Variants in NRP1 observed in about 807,000 individuals in gnomAD.
The protein encoded by NRP1 is neuropilin 1, also known as neuropilin-1.
NRP1 carries 35 observed loss-of-function variants against 106.7 expected under a neutral mutation model. That is an observed-to-expected ratio of 0.33 (90% CI 0.25 to 0.43). NRP1 has a LOEUF of 0.43. Ranked by LOEUF, NRP1 falls within the 20% of genes least tolerant of loss-of-function variation. The pLI, the probability that NRP1 is intolerant of heterozygous loss-of-function variation, is 1.00. For missense variants in NRP1, 1,024 were observed against 1,170.4 expected, an observed-to-expected ratio of 0.87 and a Z score of 1.83; for synonymous variants, 437 against 417.9, an observed-to-expected ratio of 1.05 and a Z score of -0.56.
intron 10 of NRP1, 84 bp from the exon 11 acceptor site, chr10:33,203,079 G>A (rs1837472489): frequency 7.1e-7 from 1 of 1,410,032 alleles, no homozygotes; most frequent in African/African-American, 1.4e-5. Context: ...TAACGCTTAT[G>A]CAGAAAACTT....
chr10:33,226,429 C>T (rs924316389), intron 6 of NRP1, 140 bp from the exon 7 acceptor site: 65 of 764,684 alleles, frequency 8.5e-5, no homozygotes, highest in Non-Finnish European at 1.0e-5. Context: ...GTCCACAGTC[C>T]CTGACTCCTC....
intron 8 of NRP1, among the ~76,000 whole-genome samples, chr10:33,220,148 T>C (rs2132877248): frequency 6.6e-6 from 1 of 152,278 alleles, no homozygotes. Context: ...AAATCAGATG[T>C]TGGTTTTTAC....
intron 13 of NRP1, among the ~76,000 whole-genome samples, chr10:33,188,176 C>T (rs1450933429): frequency 6.6e-6 from 1 of 152,122 alleles, no homozygotes; most frequent in Non-Finnish European, 1.5e-5. Context: ...ACCCATCGTG[C>T]CTCTGTCCCC....
intron 6 of NRP1, among the ~76,000 whole-genome samples, chr10:33,228,693 G>T (rs1839874331): frequency 6.6e-6 from 1 of 152,054 alleles, no homozygotes; most frequent in Non-Finnish European, 1.5e-5. Context: ...AAGCAGTAGT[G>T]GTAGATTTCA....
chr10:33,207,848 C>G, intron 9 of NRP1, 132 bp from the exon 10 acceptor site: 1 of 786,266 alleles, frequency 1.3e-6, no homozygotes, highest in Non-Finnish European at 2.0e-6. Context: ...CTTTGTGGTA[C>G]ATCTCTTTCA....
Position 33,258,729 on chromosome 10 carries a change from G to A in NRP1, c.659-2258C>T, listed in dbSNP as rs898439100. ...TTAATAGATTTTCTTCATTCTGGAT[G>A]TGGCCCTAGTAGTAATGCAACACTT... On this transcript the variant is annotated intron_variant, in intron 4 of 16. Transcript: ENST00000374867. 5.3e-5 allele frequency among the ~76,000 whole-genome samples: 8 copies of A among 152,266 alleles called. No individual in the cohort carries two copies. The East Asian group carries it at 1.4e-3, about 26-fold the overall frequency.
rs1222541828 is a variant in NRP1, at chr10:33,202,886, T to C, written c.1864+5A>G. 1.2e-6 allele frequency: 2 copies of C among 1,614,202 alleles called. No homozygotes were observed. The highest frequency in any genetic ancestry group is 1.1e-5 in the South Asian group (1 of 91,080). On this transcript the variant is annotated splice_donor_5th_base_variant and intron_variant, in intron 11 of 16. Coordinates refer to ENST00000374867, the MANE Select transcript of NRP1 (RefSeq NM_003873.7). ...ACAGCAATGGGATGAAGATGGTTTC[T>C]GCACCTGTGAGCTGGAAGTCATCAC...
intron 16 of NRP1, among the ~76,000 whole-genome samples, chr10:33,181,291 C>A (rs772093349): frequency 6.6e-6 from 1 of 152,196 alleles, no homozygotes; most frequent in African/African-American, 2.4e-5. Flanking sequence ...CAAGAGAAAA[C>A]AAGCCTTGGG....
At chr10:33,262,134 T>G (rs1300947320) in intron 4 of NRP1, among the ~76,000 whole-genome samples, 6 of 152,228 alleles carry the variant, frequency 3.9e-5, no homozygotes, top group Non-Finnish European at 7.3e-5. Context: ...CCTAACTCCA[T>G]GATGGTGAAG....
intron 8 of NRP1, 38 bp downstream of exon 8, chr10:33,221,681 G>T: frequency 1.3e-6 from 2 of 1,585,664 alleles, no homozygotes; most frequent in South Asian, 2.2e-5. Flanking sequence ...GACAATCTTC[G>T]ACTTGGAAGA....
Position 33,180,252 on chromosome 10 carries a change from C to T in NRP1, c.2596G>A (p.Ala866Thr), listed in dbSNP as rs548175518. The change falls in exon 17 of 17, where the codon GCC becomes ACC. Residue 866 changes from alanine to threonine, a missense_variant. Ala to Thr is a moderately conservative substitution (Grantham distance 58, BLOSUM62 0). Coordinates refer to ENST00000374867, the MANE Select transcript of NRP1 (RefSeq NM_003873.7). ...ACAGCCCCCAGGAGGACCCCCAGGG[C>T]ACTCATGGCTATGATGGTGATGAGG... Reference protein sequence around the residue: ...PILITIIAMSALGVLLGAVCG... With the variant: ...PILITIIAMSTLGVLLGAVCG... 25 of 1,614,086 alleles carry T rather than the reference C, an allele frequency of 1.5e-5. No individual in the cohort carries two copies. Among genetic ancestry groups the T allele is most frequent in the African/African-American group, 8.0e-5 (6 of 75,008 alleles).
intron 6 of NRP1, among the ~76,000 whole-genome samples, chr10:33,230,446 G>A (rs1822470082): frequency 6.6e-6 from 1 of 152,176 alleles, no homozygotes; most frequent in African/African-American, 2.4e-5. Flanking sequence ...CTAAAAGCAG[G>A]AGATACATTT....
chr10:33,180,127 C>T lies in NRP1; in HGVS notation c.2721G>A (p.Val907=). Residue 907 remains valine (V), a synonymous_variant, in exon 17 of 17, where the codon GTG becomes GTA. Coordinates refer to ENST00000374867, the MANE Select transcript of NRP1 (RefSeq NM_003873.7). The part of the protein sequence containing the change: ...ENYNFELVDG[V]KLKKDKLNTQ... The stretch of plus-strand genomic sequence containing the variant: ...TATTCAGTTTGTCTTTTTTCAACTT[C>T]ACACCATCCACAAGTTCAAAGTTAT... 1 of 1,614,108 alleles carries T rather than the reference C, an allele frequency of 6.2e-7. No individual in the cohort carries two copies. The highest frequency in any genetic ancestry group is 1.1e-5 in the South Asian group (1 of 91,060).
chr10:33,225,299 G>A (rs988853325), intron 7 of NRP1, among the ~76,000 whole-genome samples: 2 of 152,188 alleles, frequency 1.3e-5, no homozygotes, highest in African/African-American at 4.8e-5. Context: ...AATCAAGTAC[G>A]TGAATGCTCA....
intron 2 of NRP1, among the ~76,000 whole-genome samples, chr10:33,314,918 G>A (rs959411980): frequency 6.6e-6 from 1 of 152,210 alleles, no homozygotes; most frequent in African/African-American, 2.4e-5. Flanking sequence ...GTTAACATGT[G>A]CATTTACTGG....
chr10:33,320,332 T>C lies in NRP1; in HGVS notation c.248+10376A>G, dbSNP rs1162990024. 3.4e-5 allele frequency among the ~76,000 whole-genome samples: 5 copies of C among 146,452 alleles called. No individual in the cohort carries two copies. In the East Asian group the frequency reaches 9.9e-4, roughly 29 times the overall value. ...GTCTTTAAAAAAAAAAAAAAAAGCC[T>C]GCACCGGGACCCAGTCTCTCTCCAG... On this transcript the variant is annotated intron_variant, in intron 2 of 16. Transcript: ENST00000374867.
chr10:33,320,050 C>G (rs564080139), intron 2 of NRP1, among the ~76,000 whole-genome samples: 1 of 151,592 alleles, frequency 6.6e-6, no homozygotes, highest in Non-Finnish European at 1.5e-5. Flanking sequence ...TGGTGGCTCA[C>G]GCCTGTAATC....
Position 33,270,871 on chromosome 10 carries a change from T to A in NRP1, c.249-15A>T, listed in dbSNP as rs779944712. On this transcript the variant is annotated splice_polypyrimidine_tract_variant and intron_variant, in intron 2 of 16. Coordinates refer to ENST00000374867, the MANE Select transcript of NRP1 (RefSeq NM_003873.7). ...CGTAGTCATACCTAATACACAAACA[T>A]GGAAGAAAACATTAGGTTGGTGAGA... The A allele has an allele frequency of 4.4e-6, 7 of 1,573,972 alleles. No homozygotes were observed. In the Middle Eastern group the frequency reaches 5.1e-4, roughly 115 times the overall value.
intron 4 of NRP1, among the ~76,000 whole-genome samples, chr10:33,260,985 CA>C (rs35665366): frequency 0.18 from 10,565 of 59,534 alleles, 290 homozygotes; most frequent in African/African-American, 0.28. Flanking sequence ...TGCCATTGAC[CA>C]AAAAAAAAAA....
Sources: allele counts gnomAD v4.1 joint callset (sites outside exome capture counted in the v4.1 genomes callset), GRCh38; gene constraint gnomAD v4.1.1; transcripts MANE v1.5; gene names NCBI Gene and HGNC (gene_info 2026-07-23, HGNC 2026-07-21).